SRGAP3: variants seen among roughly 807,000 people sequenced by gnomAD.
The protein encoded by SRGAP3 is SLIT-ROBO Rho GTPase-activating protein 3.
In SRGAP3, 39 loss-of-function variants were observed where a neutral mutation model predicts 121.1. The observed-to-expected ratio is 0.32, with a 90% confidence interval of 0.25 to 0.42. The LOEUF (loss-of-function observed/expected upper bound fraction) is 0.42, where lower values mean the gene tolerates loss of function less well. Ranked by LOEUF, SRGAP3 falls within the 10% of genes least tolerant of loss-of-function variation. SRGAP3 has a pLI of 1.00. For synonymous variants in SRGAP3, 601 were observed against 570.0 expected (o/e 1.05, Z -0.77); for missense variants, 1,213 against 1,470.6 (o/e 0.82, Z 2.86).
At chr3:9,051,127 A>G (rs1945552274) in intron 9 of SRGAP3, among the ~76,000 whole-genome samples, 1 of 148,750 alleles carries the variant, frequency 6.7e-6, no homozygotes. Context: ...CCCAGGCTCA[A>G]GTAATCCTTC....
At chr3:9,293,059 A>AC (rs1954895857) in intron 3 of SRGAP3, 1 of 126,442 alleles carries the variant, frequency 7.9e-6, no homozygotes, top group Non-Finnish European at 1.8e-5. Flanking sequence ...GAAAAAAAAA[A>AC]CCCACCCACT....
intron 3 of SRGAP3, among the ~76,000 whole-genome samples, chr3:9,275,059 A>G (rs1954546484): frequency 1.3e-5 from 2 of 152,260 alleles, no homozygotes; most frequent in South Asian, 4.1e-4. Context: ...CTCACCAGGG[A>G]CCTGCCCTCT....
In SRGAP3 at chr3:9,080,006, G is replaced by A. The variant is rs968945512; in HGVS notation, c.486+19C>T. 1.2e-6 allele frequency: 2 copies of A among 1,614,004 alleles called. No homozygotes were observed. Among genetic ancestry groups the A allele is most frequent in the Non-Finnish European group, 1.7e-6 (2 of 1,179,974 alleles). On this transcript the variant is annotated intron_variant, in intron 4 of 21. Coordinates refer to ENST00000383836, the MANE Select transcript of SRGAP3 (RefSeq NM_014850.4). The stretch of plus-strand genomic sequence containing the variant: ...AGAGACCCAATCCCAAAACAGCAGT[G>A]AGCCTGGGCAGAACTTACTGTGTAG...
chr3:9,352,271 ATT>A (rs34692815), intron 1 of SRGAP3, among the ~76,000 whole-genome samples: 6,610 of 123,408 alleles, frequency 0.054, 406 homozygotes, highest in African/African-American at 0.21. Context: ...TGTTATGGAC[ATT>A]TTTTTTTTTT....
At chr3:9,214,745 AATT>A in intron 1 of SRGAP3, among the ~76,000 whole-genome samples, 1 of 152,198 alleles carries the variant, frequency 6.6e-6, no homozygotes. Flanking sequence ...AAGGACCAGG[AATT>A]TGGGGGTAAG....
chr3:9,176,978 G>C (rs1241849390), intron 1 of SRGAP3, among the ~76,000 whole-genome samples: 1 of 152,212 alleles, frequency 6.6e-6, no homozygotes, highest in African/African-American at 2.4e-5. Flanking sequence ...GTTATCAGGA[G>C]AGCTGGCCTG....
chr3:9,227,461 A>T (rs140480411), intron 1 of SRGAP3, among the ~76,000 whole-genome samples: 1 of 152,286 alleles, frequency 6.6e-6, no homozygotes, highest in African/African-American at 2.4e-5. Context: ...CAAGAGTCCA[A>T]TGGGTGCCCA....
At chr3:9,361,057 C>T (rs1195301813) in intron 1 of SRGAP3, among the ~76,000 whole-genome samples, 1 of 152,134 alleles carries the variant, frequency 6.6e-6, no homozygotes, top group East Asian at 1.9e-4. Flanking sequence ...TGCTTATTGG[C>T]CATTTGTCCA....
At chr3:9,246,191 A>T (rs554392562) in intron 1 of SRGAP3, among the ~76,000 whole-genome samples, 11 of 152,358 alleles carry the variant, frequency 7.2e-5, no homozygotes, top group Admixed American at 5.2e-4. Context: ...GAACAAGTCA[A>T]CAAAGAACTC....
chr3:9,200,701 G>C (rs1193695465), intron 1 of SRGAP3, among the ~76,000 whole-genome samples: 1 of 152,186 alleles, frequency 6.6e-6, no homozygotes, highest in Non-Finnish European at 1.5e-5. Context: ...CAAAAAGACA[G>C]GGTTCCAGGC....
intron 20 of SRGAP3, 98 bp downstream of exon 20, chr3:8,992,808 A>G: frequency 6.2e-7 from 1 of 1,603,860 alleles, no homozygotes; most frequent in African/African-American, 1.3e-5. Context: ...AAGGGGCTGC[A>G]GTAGGCTCCT....
chr3:9,291,554 A>C (rs143374914), intron 3 of SRGAP3, among the ~76,000 whole-genome samples: 1 of 152,112 alleles, frequency 6.6e-6, no homozygotes, highest in Admixed American at 6.6e-5. Flanking sequence ...CCCAAAAAAC[A>C]ATCAATAAGC....
chr3:9,355,230 A>G (rs538414202), intron 1 of SRGAP3, among the ~76,000 whole-genome samples: 1 of 152,320 alleles, frequency 6.6e-6, no homozygotes, highest in East Asian at 1.9e-4. Context: ...AGAATTTGAC[A>G]GTTCTCACCA....
intron 1 of SRGAP3, among the ~76,000 whole-genome samples, chr3:9,157,809 C>T (rs1440384190): frequency 6.6e-6 from 1 of 152,180 alleles, no homozygotes; most frequent in Non-Finnish European, 1.5e-5. Context: ...GTATATGTCA[C>T]ACTGTTAAAA....
chr3:9,256,000 C>T (rs1261527688), intron 3 of SRGAP3, among the ~76,000 whole-genome samples: 1 of 152,034 alleles, frequency 6.6e-6, no homozygotes, highest in African/African-American at 2.4e-5. Context: ...GTCACCTGAC[C>T]CTGCATCTGG....
chr3:9,190,271 G>C (rs1351280769), intron 1 of SRGAP3, among the ~76,000 whole-genome samples: 1 of 152,214 alleles, frequency 6.6e-6, no homozygotes. Context: ...GATGTCAAAG[G>C]CTGCAGAATA....
intron 1 of SRGAP3, chr3:9,350,070 T>C (rs762858571): frequency 5.5e-5 from 8 of 145,652 alleles, no homozygotes; most frequent in African/African-American, 1.8e-4. Flanking sequence ...GAGTGATCTG[T>C]AAAAAAAAAA....
At chr3:9,245,092 GATAAT>G (rs1242031546) in intron 1 of SRGAP3, among the ~76,000 whole-genome samples, 1 of 152,214 alleles carries the variant, frequency 6.6e-6, no homozygotes, top group African/African-American at 2.4e-5. Flanking sequence ...ATAGGATACT[GATAAT>G]ATAATCTTTT....
chr3:9,345,354 T>G (rs934672071), intron 1 of SRGAP3, among the ~76,000 whole-genome samples: 2 of 149,372 alleles, frequency 1.3e-5, no homozygotes, highest in African/African-American at 5.0e-5. Flanking sequence ...CAGCCAGGGG[T>G]GGTAGTCCCA....
Sources: gnomAD v4.1 joint callset for allele counts (sites outside exome capture counted in the v4.1 genomes callset) on GRCh38, gnomAD v4.1.1 for gene constraint, MANE v1.5 for transcripts, NCBI Gene and HGNC (gene_info 2026-07-23, HGNC 2026-07-21) for gene names.